The following MINK1 variants were observed in gnomAD, a reference collection of about 807,000 sequenced individuals.
MINK1 encodes the protein misshapen like kinase 1.
Under a neutral mutation model 178.4 loss-of-function variants are expected in MINK1, and 46 were observed. The ratio of observed to expected loss-of-function variants is 0.26; its 90% CI spans 0.20 to 0.33. MINK1 has a LOEUF of 0.33. MINK1 is among the 10% of genes least tolerant of loss of function. The pLI is 1.00. For missense variants in MINK1, 1,366 were observed against 1,814.9 expected (o/e 0.75, Z 4.49); for synonymous variants, 797 against 709.7 (o/e 1.12, Z -1.96).
intron 16 of MINK1, 77 bp from the exon 17 acceptor site, chr17:4,892,072 T>C: frequency 8.0e-7 from 1 of 1,247,210 alleles, no homozygotes; most frequent in Non-Finnish European, 1.1e-6. Flanking sequence ...GGAGCTCACC[T>C]CTCAGAGGTG....
Position 4,833,520 on chromosome 17 carries a change from G to A in MINK1, c.-64G>A. 1 of 1,361,864 alleles carries A rather than the reference G, an allele frequency of 7.3e-7. No homozygotes were observed. The highest frequency in any genetic ancestry group is 9.9e-7 in the Non-Finnish European group (1 of 1,012,896). 84.4% of individuals were successfully genotyped at this position (1,361,864 alleles called of 1,614,324 possible). A position where few individuals can be genotyped will look rare whatever the true frequency, so the allele number is the denominator to read the frequency against. On this transcript the variant is annotated 5_prime_UTR_variant, in exon 1 of 32. Transcript: ENST00000355280. The surrounding 1 kb of genome is among the most constrained non-coding windows in gnomAD (Gnocchi z 4.8). ...TCTCCGATGGGGGAGAAGCGGCGAC[G>A]GCGGCAGTGGAGTAACCGAGCCGGA...
chr17:4,875,063 G>A (rs780618322), intron 1 of MINK1: 2 of 520,080 alleles, frequency 3.8e-6, no homozygotes, highest in Non-Finnish European at 7.7e-6. Context: ...CTCAGAAAGA[G>A]CTACAGTTTG....
At chr17:4,865,486 A>T (rs1914819033) in intron 1 of MINK1, among the ~76,000 whole-genome samples, 1 of 152,070 alleles carries the variant, frequency 6.6e-6, no homozygotes, top group Non-Finnish European at 1.5e-5. Flanking sequence ...TAGAGGGGGA[A>T]AGTTTCAAGG....
intron 1 of MINK1, among the ~76,000 whole-genome samples, chr17:4,846,526 A>C (rs1439201912): frequency 7.9e-5 from 12 of 151,872 alleles, no homozygotes; most frequent in Non-Finnish European, 2.9e-5. Context: ...GAATGAAGGA[A>C]TGTTCCAATT....
chr17:4,862,219 A>G (rs2150892043), intron 1 of MINK1, among the ~76,000 whole-genome samples: 1 of 152,330 alleles, frequency 6.6e-6, no homozygotes, highest in South Asian at 2.1e-4. Flanking sequence ...CGAGCCGGCT[A>G]CATGCATTCA....
rs1230165380 is a variant in MINK1, at chr17:4,897,356, G to T, written c.*69G>T. On this transcript the variant is annotated 3_prime_UTR_variant, in exon 32 of 32. Transcript: ENST00000355280. ...CCCCTGCAGCCAGGCTTCCCGGGCC[G>T]CCCCTCTTTCCCCTCCCTGGGCTTT... is the stretch of plus-strand genomic sequence containing the variant. 3 of 1,460,928 alleles carry T rather than the reference G, an allele frequency of 2.1e-6. No homozygotes were observed. The highest frequency in any genetic ancestry group is 2.9e-6 in the Non-Finnish European group (3 of 1,049,988). 90.5% of individuals were successfully genotyped at this position (1,460,928 alleles called of 1,614,324 possible).
chr17:4,896,623 C>G lies in MINK1; in HGVS notation c.3775+35C>G, dbSNP rs529230780. 1.2e-5 allele frequency: 20 copies of G among 1,611,900 alleles called. No homozygotes were observed. The highest frequency in any genetic ancestry group is 6.7e-5 in the East Asian group (3 of 44,882). On this transcript the variant is annotated intron_variant, in intron 30 of 31. Transcript: ENST00000355280. This position sits in a 1 kb window ranked among gnomAD's most constrained non-coding sequence, Gnocchi z 4.6. ...CTGCCGCCCTCCCAGCCACATGCCC[C>G]GAGGTGGCCCCGGGGTGCAGCCTGC...
chr17:4,844,396 C>A (rs1910695360), intron 1 of MINK1, among the ~76,000 whole-genome samples: 1 of 152,106 alleles, frequency 6.6e-6, no homozygotes, highest in African/African-American at 2.4e-5. Flanking sequence ...CATAACGTTT[C>A]TTGGTAAAGT....
intron 1 of MINK1, among the ~76,000 whole-genome samples, chr17:4,874,499 A>T (rs73973643): frequency 6.6e-6 from 1 of 152,130 alleles, no homozygotes; most frequent in African/African-American, 2.4e-5. Flanking sequence ...GTGGCAGCAG[A>T]AGGAAGACAT....
chr17:4,861,935 G>A (rs538411568), intron 1 of MINK1, among the ~76,000 whole-genome samples: 10 of 152,348 alleles, frequency 6.6e-5, no homozygotes, highest in South Asian at 4.1e-4. Flanking sequence ...GACAATAGTC[G>A]TTTTGTGTAT....
intron 1 of MINK1, among the ~76,000 whole-genome samples, chr17:4,856,167 C>T (rs187535329): frequency 1.2e-3 from 182 of 152,276 alleles, no homozygotes; most frequent in Non-Finnish European, 1.5e-3. Context: ...TCACCCCAAG[C>T]ACCTTGGGGT....
At position 4,886,699 on chromosome 17, in the gene MINK1, G is replaced by A. The variant is rs987139985; in HGVS notation, c.949+73G>A. On this transcript the variant is annotated intron_variant, in intron 10 of 31. Transcript: ENST00000355280. The surrounding 1 kb of genome is among the most constrained non-coding windows in gnomAD (Gnocchi z 6.1). ...TGGCTCCTCTCTGCCAGCCCTGCTC[G>A]CTCCTGGCACCCCTTCCTGCTCCCC... 3.0e-5 allele frequency: 42 copies of A among 1,421,164 alleles called. No homozygotes were observed. Among genetic ancestry groups the A allele is most frequent in the Admixed American group, 5.6e-5 (2 of 35,474 alleles). 88.0% of individuals were successfully genotyped at this position (1,421,164 alleles called of 1,614,324 possible).
intron 1 of MINK1, chr17:4,834,927 T>A: frequency 4.0e-6 from 2 of 495,128 alleles, no homozygotes; most frequent in Non-Finnish European, 8.1e-6. Flanking sequence ...AGCAGAGTCA[T>A]GTTGTTAATT....
At chr17:4,866,132 G>C (rs1213154305) in intron 1 of MINK1, among the ~76,000 whole-genome samples, 2 of 152,144 alleles carry the variant, frequency 1.3e-5, no homozygotes, top group East Asian at 1.9e-4. Context: ...TCGTTAGGTT[G>C]GCAGCCTCAT....
chr17:4,833,601 C>T lies in MINK1; in HGVS notation c.18C>T (p.Pro6=). The change falls in exon 1 of 32, where the codon CCC becomes CCT. Residue 6 remains proline, a synonymous_variant. Coordinates refer to ENST00000355280, the MANE Select transcript of MINK1 (RefSeq NM_153827.5). The surrounding 1 kb of genome is among the most constrained non-coding windows in gnomAD (Gnocchi z 4.8). ...CGGAGGCCATGGGCGACCCAGCCCC[C>T]GCCCGCAGCCTGGACGACATCGACC... MGDPA[P]ARSLDDIDLS... The T allele has an allele frequency of 6.7e-7, 1 of 1,500,340 alleles. No homozygotes were observed. The highest frequency in any genetic ancestry group is 2.8e-5 in the East Asian group (1 of 35,224). The allele number at this position is 1,500,340 out of a possible 1,614,324, so 92.9% of individuals were successfully genotyped here.
At chr17:4,841,839 C>G (rs1387856137) in intron 1 of MINK1, among the ~76,000 whole-genome samples, 1 of 151,988 alleles carries the variant, frequency 6.6e-6, no homozygotes, top group African/African-American at 2.4e-5. Context: ...CGGTGGGATA[C>G]AAAGCAGTAC....
At chr17:4,847,449 A>G (rs1199384089) in intron 1 of MINK1, among the ~76,000 whole-genome samples, 2 of 152,164 alleles carry the variant, frequency 1.3e-5, no homozygotes, top group East Asian at 3.9e-4. Flanking sequence ...TCCAAAGCCT[A>G]TGCAGTTGCA....
At chr17:4,866,898 C>A (rs1351524447) in intron 1 of MINK1, among the ~76,000 whole-genome samples, 1 of 151,882 alleles carries the variant, frequency 6.6e-6, no homozygotes, top group Non-Finnish European at 1.5e-5. Flanking sequence ...GTGGTGAAAC[C>A]CCATCTCTAC....
intron 1 of MINK1, among the ~76,000 whole-genome samples, chr17:4,864,113 A>C (rs1367526678): frequency 6.6e-6 from 1 of 151,088 alleles, no homozygotes; most frequent in Non-Finnish European, 1.5e-5. Flanking sequence ...TTAAAGGGCT[A>C]TGGGGGCCAG....
Sources: allele counts gnomAD v4.1 joint callset (sites outside exome capture counted in the v4.1 genomes callset), GRCh38; gene constraint gnomAD v4.1.1; non-coding constraint Gnocchi (gnomAD v3.1); transcripts MANE v1.5; gene names NCBI Gene and HGNC (gene_info 2026-07-23, HGNC 2026-07-21).